The following SETD2 variants were observed in gnomAD, a reference collection of about 807,000 sequenced individuals.
SETD2 encodes the protein histone-lysine N-methyltransferase SETD2.
A neutral mutation model predicts 242.1 loss-of-function variants in SETD2; 31 were observed. That is an observed-to-expected ratio of 0.13 (90% CI 0.10 to 0.17). The LOEUF (loss-of-function observed/expected upper bound fraction) is 0.17, where lower values mean the gene tolerates loss of function less well. Ranked by LOEUF, SETD2 falls within the 10% of genes least tolerant of loss-of-function variation. SETD2 has a pLI of 1.00. For missense variants in SETD2, 2,481 were observed against 3,046.3 expected (o/e 0.81, Z 4.37); for synonymous variants, 1,006 against 1,066.5 (o/e 0.94, Z 1.11).
chr3:47,083,959 C>T lies in SETD2; in HGVS notation c.5821G>A (p.Glu1941Lys). 1 of 1,614,116 alleles carries T rather than the reference C, an allele frequency of 6.2e-7. No homozygotes were observed. Among genetic ancestry groups the T allele is most frequent in the Non-Finnish European group, 8.5e-7 (1 of 1,180,014 alleles). Residue 1941 changes from glutamate (E) to lysine (K), a missense_variant, in exon 12 of 21, where the codon GAA becomes AAA. Around this residue, in one of 17 missense-constraint regions of SETD2, gnomAD observed 203 missense variants for 222.4 expected, o/e 0.91. Transcript: ENST00000409792. ...QQLPECKVDS[E>K]TNIEASKLPT... ...AGCTTACTAGCTTCTATGTTGGTTT[C>T]ACTATCAACTTTGCATTCAGGCAGC...
intron 13 of SETD2, among the ~76,000 whole-genome samples, chr3:47,064,387 G>A (rs1336810980): frequency 1.3e-5 from 2 of 152,144 alleles, no homozygotes; most frequent in African/African-American, 4.8e-5. Flanking sequence ...AGTTCACAAG[G>A]TATTAGCACT....
At chr3:47,021,019 A>G (rs1271293166) in intron 18 of SETD2, among the ~76,000 whole-genome samples, 3 of 152,234 alleles carry the variant, frequency 2.0e-5, no homozygotes, top group Non-Finnish European at 2.9e-5. Flanking sequence ...GTAGAGTAAA[A>G]AGAATATAAA....
intron 19 of SETD2, among the ~76,000 whole-genome samples, chr3:47,019,043 T>C (rs1254647726): frequency 1.3e-5 from 2 of 152,248 alleles, no homozygotes; most frequent in Admixed American, 1.3e-4. Flanking sequence ...TCCAAAACAC[T>C]ACAAGCCCCT....
chr3:47,121,320 A>G lies in SETD2; in HGVS notation c.3316T>C (p.Leu1106=), dbSNP rs779666460. ...HYSDHWEDER[L]ESRRHLYEEK... is the part of the protein sequence containing the mutation. The stretch of plus-strand genomic sequence containing the variant: ...TCATACAAATGTCTCCTTGACTCCA[A>G]TCTCTCATCTTCCCAATGGTCAGAA... The change falls in exon 3 of 21, where the codon TTG becomes CTG. Residue 1106 remains leucine (L), a synonymous_variant. Transcript: ENST00000409792. The G allele has an allele frequency of 3.1e-6, 5 of 1,611,754 alleles. No individual in the cohort carries two copies. Among genetic ancestry groups the G allele is most frequent in the Non-Finnish European group, 4.2e-6 (5 of 1,179,964 alleles).
intron 18 of SETD2, among the ~76,000 whole-genome samples, chr3:47,035,420 T>G (rs1269366107): frequency 6.6e-6 from 1 of 152,244 alleles, no homozygotes; most frequent in Non-Finnish European, 1.5e-5. Flanking sequence ...AGCCAGAGAA[T>G]GAACGTCTAA....
chr3:47,032,956 A>AC (rs970895593), intron 18 of SETD2, among the ~76,000 whole-genome samples: 8 of 152,046 alleles, frequency 5.3e-5, no homozygotes, highest in Non-Finnish European at 8.8e-5. Context: ...ATTGCTTTCC[A>AC]CAAGTACTTG....
intron 1 of SETD2, among the ~76,000 whole-genome samples, chr3:47,146,082 C>G (rs1032771633): frequency 6.8e-6 from 1 of 146,604 alleles, no homozygotes; most frequent in Non-Finnish European, 1.5e-5. Context: ...CTTTCTAGTG[C>G]CTCTGTCCAG....
At chr3:47,139,250 T>G (rs2043667767) in intron 1 of SETD2, among the ~76,000 whole-genome samples, 1 of 152,152 alleles carries the variant, frequency 6.6e-6, no homozygotes, top group Non-Finnish European at 1.5e-5. Flanking sequence ...CTTAATCCAC[T>G]CAGGGACCAC....
At chr3:47,095,158 T>C (rs2041957202) in intron 9 of SETD2, among the ~76,000 whole-genome samples, 1 of 152,206 alleles carries the variant, frequency 6.6e-6, no homozygotes, top group Non-Finnish European at 1.5e-5. Flanking sequence ...TTTTTTTAGA[T>C]GGAGTTTTGC....
In SETD2 at chr3:47,122,028, A is replaced by G; in HGVS notation, c.2608T>C (p.Leu870=). ...SSASVNHFDD[L]YQPIGSSGIA... ...CCTGAACTCCCAATAGGTTGATATA[A>G]ATCATCAAAATGATTAACAGAAGCT... Residue 870 remains leucine, a synonymous_variant, in exon 3 of 21, where the codon TTA becomes CTA. Coordinates refer to ENST00000409792, the MANE Select transcript of SETD2 (RefSeq NM_014159.7). The G allele has an allele frequency of 6.2e-7, 1 of 1,613,880 alleles. No individual in the cohort carries two copies. The highest frequency in any genetic ancestry group is 8.5e-7 in the Non-Finnish European group (1 of 1,179,912).
intron 1 of SETD2, among the ~76,000 whole-genome samples, chr3:47,154,919 A>T (rs1265743154): frequency 6.6e-6 from 1 of 152,048 alleles, no homozygotes; most frequent in Admixed American, 6.6e-5. Flanking sequence ...GCGTGAGCCC[A>T]GGAGGCGGAG....
chr3:47,146,095 A>G (rs1177743407), intron 1 of SETD2, among the ~76,000 whole-genome samples: 1 of 151,366 alleles, frequency 6.6e-6, no homozygotes, highest in Non-Finnish European at 1.5e-5. Flanking sequence ...CTGTCCAGAA[A>G]GCATATCCCA....
intron 7 of SETD2, among the ~76,000 whole-genome samples, chr3:47,103,133 T>C (rs1051129629): frequency 6.6e-6 from 1 of 152,210 alleles, no homozygotes; most frequent in Non-Finnish European, 1.5e-5. Flanking sequence ...TGGGGAAAGC[T>C]AGGTGAAGAC....
intron 15 of SETD2, among the ~76,000 whole-genome samples, chr3:47,054,122 C>T (rs984843044): frequency 1.3e-5 from 2 of 152,080 alleles, no homozygotes; most frequent in African/African-American, 2.4e-5. Context: ...CAGTGGGGAA[C>T]GGAAGGATAG....
At chr3:47,147,323 A>AT (rs538113130) in intron 1 of SETD2, among the ~76,000 whole-genome samples, 75,119 of 126,140 alleles carry the variant, frequency 0.6, 22,370 homozygotes, top group African/African-American at 0.66. Context: ...ACTGCATGTC[A>AT]TTTTTTTTTT....
At chr3:47,096,434 T>G (rs1263959940) in intron 9 of SETD2, among the ~76,000 whole-genome samples, 1 of 152,154 alleles carries the variant, frequency 6.6e-6, no homozygotes, top group Admixed American at 6.5e-5. Flanking sequence ...AGGCTGGGTG[T>G]GGTAGCTCAT....
intron 10 of SETD2, among the ~76,000 whole-genome samples, chr3:47,087,688 C>T (rs989861288): frequency 1.3e-5 from 2 of 152,130 alleles, no homozygotes; most frequent in Admixed American, 6.5e-5. Context: ...TAAAACTGGC[C>T]GGCCATGGTG....
intron 1 of SETD2, among the ~76,000 whole-genome samples, chr3:47,132,981 A>G (rs975139252): frequency 6.6e-6 from 1 of 152,196 alleles, no homozygotes; most frequent in African/African-American, 2.4e-5. Context: ...ATAATATTGT[A>G]TCAGTGTTAA....
chr3:47,149,630 G>T (rs2043937673), intron 1 of SETD2, among the ~76,000 whole-genome samples: 1 of 152,194 alleles, frequency 6.6e-6, no homozygotes, highest in East Asian at 1.9e-4. Flanking sequence ...CTAAGTTCAG[G>T]TATTCTTCTG....
Sources: allele counts gnomAD v4.1 joint callset (sites outside exome capture counted in the v4.1 genomes callset), GRCh38; gene constraint gnomAD v4.1.1; regional missense constraint gnomAD v4.1.1; transcripts MANE v1.5; gene names NCBI Gene and HGNC (gene_info 2026-07-23, HGNC 2026-07-21).